Variants in ANO2 observed in about 807,000 individuals in gnomAD.
ANO2 encodes anoctamin 2.
ANO2 carries 101 observed loss-of-function variants against 124.2 expected under a neutral mutation model. That is an observed-to-expected ratio of 0.81 (90% CI 0.69 to 0.96). The LOEUF is 0.96. Ranked by LOEUF, ANO2 falls within the 40% of genes least tolerant of loss-of-function variation. ANO2 has a pLI of 0.00. For synonymous variants in ANO2, 486 were observed against 482.5 expected, an observed-to-expected ratio of 1.01 and a Z score of -0.09; for missense variants, 1,293 against 1,274.5, an observed-to-expected ratio of 1.01 and a Z score of -0.22.
intron 13 of ANO2, among the ~76,000 whole-genome samples, chr12:5,736,000 G>A (rs906777402): frequency 8.5e-5 from 13 of 152,370 alleles, no homozygotes; most frequent in African/African-American, 3.1e-4. Context: ...TGTGACAGAA[G>A]GTAATGGGCA....
chr12:5,866,037 A>T (rs1955418396), intron 3 of ANO2, among the ~76,000 whole-genome samples: 1 of 152,234 alleles, frequency 6.6e-6, no homozygotes, highest in Non-Finnish European at 1.5e-5. Flanking sequence ...TGTTTTTAGC[A>T]GAATTGATCC....
chr12:5,789,541 G>C lies in ANO2; in HGVS notation c.1055+9966C>G, dbSNP rs190510697. Among the ~76,000 whole-genome samples the C allele has an allele frequency of 3.6e-3, 547 of 152,360 alleles. 1 individual carries two copies. Among genetic ancestry groups the C allele is most frequent in the African/African-American group, 0.012 (492 of 41,582 alleles). On this transcript the variant is annotated intron_variant, in intron 10 of 24. Coordinates refer to ENST00000682330, the MANE Select transcript of ANO2 (RefSeq NM_001364791.2). Reference sequence around the variant, plus strand: ...TGAGTGACTAAGGCTGAGCTCCCCAGTCTCTTCACGGCTGAGCCAACCAAT... The same window carrying C: ...TGAGTGACTAAGGCTGAGCTCCCCACTCTCTTCACGGCTGAGCCAACCAAT...
chr12:5,810,600 G>A (rs1473896145), intron 7 of ANO2, among the ~76,000 whole-genome samples: 1 of 152,060 alleles, frequency 6.6e-6, no homozygotes, highest in African/African-American at 2.4e-5. Flanking sequence ...TTTCAGGATG[G>A]GAGACAGTGA....
intron 3 of ANO2, among the ~76,000 whole-genome samples, chr12:5,916,017 C>T (rs1019865795): frequency 1.4e-5 from 2 of 147,524 alleles, no homozygotes; most frequent in Admixed American, 6.7e-5. Context: ...TGGATCACCC[C>T]TCTAATCCCA....
chr12:5,739,800 G>T (rs1951025360), intron 12 of ANO2: 1 of 404,800 alleles, frequency 2.5e-6, no homozygotes, highest in Non-Finnish European at 4.9e-6. Flanking sequence ...CATCAGCACT[G>T]TCACTTTTTC....
At chr12:5,871,799 T>C (rs1937718878) in intron 3 of ANO2, among the ~76,000 whole-genome samples, 1 of 152,222 alleles carries the variant, frequency 6.6e-6, no homozygotes, top group African/African-American at 2.4e-5. Flanking sequence ...CAAACTCTGC[T>C]GTTTTTGCTT....
At chr12:5,898,946 A>C (rs1939986740) in intron 3 of ANO2, among the ~76,000 whole-genome samples, 1 of 152,228 alleles carries the variant, frequency 6.6e-6, no homozygotes, top group South Asian at 2.1e-4. Context: ...GAGAATGAGA[A>C]GGCCATAGCT....
intron 10 of ANO2, among the ~76,000 whole-genome samples, chr12:5,771,535 T>C (rs1015005955): frequency 2.0e-5 from 3 of 152,120 alleles, no homozygotes; most frequent in Non-Finnish European, 4.4e-5. Flanking sequence ...ATCCCAGCAC[T>C]TTGGGAGGCC....
At chr12:5,821,555 T>C (rs1278167595) in intron 7 of ANO2, among the ~76,000 whole-genome samples, 2 of 152,210 alleles carry the variant, frequency 1.3e-5, no homozygotes, top group African/African-American at 2.4e-5. Flanking sequence ...CAGTCACAGA[T>C]AGGGATGCTG....
chr12:5,816,829 C>T (rs1953626008), intron 7 of ANO2, among the ~76,000 whole-genome samples: 1 of 152,176 alleles, frequency 6.6e-6, no homozygotes, highest in South Asian at 2.1e-4. Flanking sequence ...ACCACATTGC[C>T]TCATCACAAT....
intron 16 of ANO2, among the ~76,000 whole-genome samples, chr12:5,622,018 C>G (rs2136919534): frequency 6.6e-6 from 1 of 152,248 alleles, no homozygotes; most frequent in East Asian, 1.9e-4. Context: ...CATCTCATCT[C>G]TCTTAAATAT....
intron 16 of ANO2, among the ~76,000 whole-genome samples, chr12:5,634,433 T>C (rs1233597810): frequency 1.3e-5 from 2 of 152,086 alleles, no homozygotes; most frequent in Non-Finnish European, 2.9e-5. Flanking sequence ...AATCCCTACA[T>C]TCAGAGAGGG....
intron 4 of ANO2, among the ~76,000 whole-genome samples, chr12:5,834,252 G>C (rs1233909299): frequency 1.3e-5 from 2 of 152,192 alleles, no homozygotes; most frequent in Admixed American, 1.3e-4. Context: ...GGCTGCAATA[G>C]ACATCCAGAA....
chr12:5,778,438 G>A (rs1452592329), intron 10 of ANO2, among the ~76,000 whole-genome samples: 1 of 152,164 alleles, frequency 6.6e-6, no homozygotes, highest in Non-Finnish European at 1.5e-5. Context: ...ACATCTGAAT[G>A]AATAAATAAA....
rs547547413 is a variant in ANO2, at chr12:5,583,168, C to T, written c.2234-4650G>A. ...TGAAACACACACACACATACAAGGT[C>T]AAAAATGAAAATGTGTGACCTGAGA... On this transcript the variant is annotated intron_variant, in intron 20 of 24. Transcript: ENST00000682330. Among the ~76,000 whole-genome samples, 10 of 152,256 alleles carry T rather than the reference C, an allele frequency of 6.6e-5. No individual in the cohort carries two copies. The South Asian group carries it at 2.1e-3, about 32-fold the overall frequency.
rs776441986 is a variant in ANO2 at position 5,799,517 on chromosome 12, C to T, written c.1045G>A (p.Asp349Asn). The change falls in exon 10 of 25, where the codon GAC becomes AAC. Residue 349 changes from aspartate (D) to asparagine (N), a missense_variant. Coordinates refer to ENST00000682330, the MANE Select transcript of ANO2 (RefSeq NM_001364791.2). ...YGVFYKFQPIDLIRKYFGEKI... is the reference protein window; with the variant it reads ...YGVFYKFQPINLIRKYFGEKI... ...CCTACCACCTCTTACCTGATGAGGTCAATAGGTTGGAACTTATAGAACACT... is the reference window on the plus strand; with the variant it reads ...CCTACCACCTCTTACCTGATGAGGTTAATAGGTTGGAACTTATAGAACACT... 1 of 1,613,678 alleles carries T rather than the reference C, an allele frequency of 6.2e-7. No homozygotes were observed. Among genetic ancestry groups the T allele is most frequent in the African/African-American group, 1.3e-5 (1 of 74,920 alleles).
intron 14 of ANO2, among the ~76,000 whole-genome samples, chr12:5,716,135 C>T (rs1431459090): frequency 6.6e-6 from 1 of 152,158 alleles, no homozygotes; most frequent in African/African-American, 2.4e-5. Flanking sequence ...TTATTCTTTA[C>T]TTCCCTTCTT....
At chr12:5,894,340 GT>G (rs897890229) in intron 3 of ANO2, among the ~76,000 whole-genome samples, 4 of 151,924 alleles carry the variant, frequency 2.6e-5, no homozygotes, top group Admixed American at 2.0e-4. Flanking sequence ...GGGGTTGTTT[GT>G]TTTTTTCTTG....
intron 3 of ANO2, among the ~76,000 whole-genome samples, chr12:5,872,145 C>T (rs1381911676): frequency 6.6e-6 from 1 of 152,132 alleles, no homozygotes; most frequent in Non-Finnish European, 1.5e-5. Flanking sequence ...TCCTTTTTCC[C>T]TCTCGTGACC....
Sources: gnomAD v4.1 joint callset for allele counts (sites outside exome capture counted in the v4.1 genomes callset) on GRCh38, gnomAD v4.1.1 for gene constraint, MANE v1.5 for transcripts, NCBI Gene and HGNC (gene_info 2026-07-23, HGNC 2026-07-21) for gene names.